The following DOCK10 variants were observed in gnomAD, a reference collection of about 807,000 sequenced individuals.
The protein encoded by DOCK10 is dedicator of cytokinesis 10.
A neutral mutation model predicts 280.1 loss-of-function variants in DOCK10; 145 were observed. The observed-to-expected ratio is 0.52, with a 90% confidence interval of 0.45 to 0.59. DOCK10 has a LOEUF of 0.59. DOCK10 is among the 20% of genes least tolerant of loss of function. The pLI, the probability that DOCK10 is intolerant of heterozygous loss-of-function variation, is 0.00. For missense variants in DOCK10, 2,368 were observed against 2,651.7 expected (o/e 0.89, Z 2.35); for synonymous variants, 915 against 942.2 (o/e 0.97, Z 0.53).
chr2:224,864,946 T>A lies in DOCK10; in HGVS notation c.1399A>T (p.Ile467Phe), dbSNP rs1406638580. 1 of 1,613,968 alleles carries A rather than the reference T, an allele frequency of 6.2e-7. No individual in the cohort carries two copies. The highest frequency in any genetic ancestry group is 1.3e-5 in the African/African-American group (1 of 75,030). Residue 467 changes from isoleucine (I) to phenylalanine (F), a missense_variant, in exon 12 of 56, where the codon ATC becomes TTC. Around this residue, in one of 2 missense-constraint regions of DOCK10, gnomAD observed 1,209 missense variants for 1,250.9 expected, o/e 0.97. Transcript: ENST00000258390. Reference protein sequence around the residue: ...GASVALENGNIDTITPRQSEE... With the variant: ...GASVALENGNFDTITPRQSEE... ...GATTGTCTTGGAGTGATGGTGTCGA[T>A]GTTGCCATTTTCCAAAGCCACAGAA...
chr2:224,885,638 A>T, intron 7 of DOCK10, 33 bp downstream of exon 7: 2 of 1,530,156 alleles, frequency 1.3e-6, no homozygotes, highest in Non-Finnish European at 1.8e-6. Flanking sequence ...AAATAAAAAA[A>T]AATCCCAAGG....
chr2:225,007,890 C>T (rs553429617), intron 1 of DOCK10, among the ~76,000 whole-genome samples: 102 of 152,144 alleles, frequency 6.7e-4, no homozygotes, highest in African/African-American at 2.4e-3. Context: ...AAAAGAATTA[C>T]GCCTAATTGT....
intron 51 of DOCK10, 113 bp downstream of exon 51, chr2:224,778,025 C>A (rs778615903): frequency 9.2e-7 from 1 of 1,085,506 alleles, no homozygotes; most frequent in Non-Finnish European, 1.3e-6. Flanking sequence ...CATCTAAAAT[C>A]GTTTTTGTAG....
chr2:224,878,918 T>C (rs967248929), intron 7 of DOCK10, among the ~76,000 whole-genome samples: 2 of 152,234 alleles, frequency 1.3e-5, no homozygotes, highest in African/African-American at 4.8e-5. Context: ...ATCTGTTGTG[T>C]TCATACTTTG....
chr2:224,854,346 CCTT>C (rs539214766), intron 16 of DOCK10, among the ~76,000 whole-genome samples: 269 of 152,072 alleles, frequency 1.8e-3, no homozygotes, highest in Non-Finnish European at 3.4e-3. Flanking sequence ...TTAAAAAACT[CCTT>C]CTAAAATTGA....
At chr2:224,996,627 G>A (rs1256062773) in intron 1 of DOCK10, among the ~76,000 whole-genome samples, 2 of 152,180 alleles carry the variant, frequency 1.3e-5, no homozygotes, top group East Asian at 3.8e-4. Context: ...TATGGCTACT[G>A]CGAAAATCAA....
At chr2:224,829,913 G>A (rs1695111910) in intron 27 of DOCK10, among the ~76,000 whole-genome samples, 1 of 152,224 alleles carries the variant, frequency 6.6e-6, no homozygotes. Flanking sequence ...GAACTGCAGG[G>A]AAGCAGATTC....
At chr2:224,985,302 C>T (rs539435254) in intron 1 of DOCK10, among the ~76,000 whole-genome samples, 13 of 151,780 alleles carry the variant, frequency 8.6e-5, no homozygotes, top group African/African-American at 4.8e-5. Context: ...ACTAACAATT[C>T]GTAAGGCTAA....
chr2:224,952,894 T>C (rs972446276), intron 1 of DOCK10, among the ~76,000 whole-genome samples: 9 of 152,244 alleles, frequency 5.9e-5, no homozygotes, highest in African/African-American at 2.2e-4. Flanking sequence ...GCCCGGCCTA[T>C]GTTATGTTTT....
At position 224,864,622 on chromosome 2, in the gene DOCK10, G is replaced by T; in HGVS notation, c.1533C>A (p.Ile511=). 1.2e-6 allele frequency: 2 copies of T among 1,613,040 alleles called. No homozygotes were observed. The highest frequency in any genetic ancestry group is 1.7e-6 in the Non-Finnish European group (2 of 1,179,690). The change falls in exon 13 of 56, where the codon ATC becomes ATA. Residue 511 remains isoleucine (I), a synonymous_variant. Transcript: ENST00000258390. ...CAATGTTTCCCATCAAGACTTTTTC[G>T]ATTTTGGCCACCAAAACAATTTCAG... ...PHSEIVLVAK[I]EKVLMGNIAS...
chr2:224,804,586 C>A (rs185462460), intron 38 of DOCK10, among the ~76,000 whole-genome samples: 1 of 151,450 alleles, frequency 6.6e-6, no homozygotes, highest in Non-Finnish European at 1.5e-5. Flanking sequence ...TTGTGCTTTT[C>A]TCCCTAGACA....
chr2:224,901,058 T>G (rs1469158662), intron 3 of DOCK10, among the ~76,000 whole-genome samples: 1 of 152,220 alleles, frequency 6.6e-6, no homozygotes, highest in East Asian at 1.9e-4. Context: ...CAGTGCATTT[T>G]ACAAACACAT....
chr2:224,967,236 T>G (rs561676902), intron 1 of DOCK10, among the ~76,000 whole-genome samples: 1 of 152,062 alleles, frequency 6.6e-6, no homozygotes, highest in Non-Finnish European at 1.5e-5. Flanking sequence ...CCCACCACCA[T>G]GTCCGGCTAA....
At chr2:224,782,295 C>T (rs1368084540) in intron 50 of DOCK10, among the ~76,000 whole-genome samples, 1 of 152,172 alleles carries the variant, frequency 6.6e-6, no homozygotes, top group Non-Finnish European at 1.5e-5. Flanking sequence ...ATAGGCATGA[C>T]TGCAAATTAT....
chr2:224,959,968 G>A (rs1004991273), intron 1 of DOCK10, among the ~76,000 whole-genome samples: 3 of 152,096 alleles, frequency 2.0e-5, no homozygotes, highest in African/African-American at 7.2e-5. Context: ...CCTTGTTGTG[G>A]AAATTGTACC....
At chr2:224,809,472 T>C (rs529162524) in intron 31 of DOCK10, among the ~76,000 whole-genome samples, 16 of 152,102 alleles carry the variant, frequency 1.1e-4, no homozygotes, top group Non-Finnish European at 2.1e-4. Flanking sequence ...ATCCAAACTC[T>C]ACAAGGAACT....
chr2:224,974,978 C>T lies in DOCK10; in HGVS notation c.124-43310G>A, dbSNP rs1043320574. Among the ~76,000 whole-genome samples the T allele has an allele frequency of 6.0e-5, 9 of 150,656 alleles. No individual in the cohort carries two copies. The East Asian group carries it at 9.7e-4, about 16-fold the overall frequency. The stretch of plus-strand genomic sequence containing the variant: ...GTATCACCTCCCCCAATCACCACAC[C>T]GATACTTGGTTTTCCGATTTTCTTT... On this transcript the variant is annotated intron_variant, in intron 1 of 55. Coordinates refer to ENST00000258390, the MANE Select transcript of DOCK10 (RefSeq NM_014689.3).
chr2:224,886,247 C>A, intron 5 of DOCK10, 62 bp from the exon 6 acceptor site: 1 of 1,592,208 alleles, frequency 6.3e-7, no homozygotes, highest in Non-Finnish European at 8.6e-7. Flanking sequence ...CTAGACACTG[C>A]ATTTAAAAAA....
rs74947354 is a variant in DOCK10 at position 224,842,059 on chromosome 2, T to A, written c.2569-163A>T. Among the ~76,000 whole-genome samples the A allele has an allele frequency of 5.3e-3, 815 of 152,346 alleles. 7 individuals are homozygous for A. The highest frequency in any genetic ancestry group is 0.017 in the African/African-American group (704 of 41,570). ...AACAAAGCTTTGATGTGGACATTTCTGGCCTAGTGAAGGCTCTGCATGAAC... is the reference window on the plus strand; with the variant it reads ...AACAAAGCTTTGATGTGGACATTTCAGGCCTAGTGAAGGCTCTGCATGAAC... On this transcript the variant is annotated intron_variant, in intron 22 of 55. Coordinates refer to ENST00000258390, the MANE Select transcript of DOCK10 (RefSeq NM_014689.3).
Sources: allele counts gnomAD v4.1 joint callset (sites outside exome capture counted in the v4.1 genomes callset), GRCh38; gene constraint gnomAD v4.1.1; regional missense constraint gnomAD v4.1.1; transcripts MANE v1.5; gene names NCBI Gene and HGNC (gene_info 2026-07-23, HGNC 2026-07-21).